Variants in THSD7B observed in about 807,000 individuals in gnomAD.
The protein encoded by THSD7B is thrombospondin type-1 domain-containing protein 7B.
In THSD7B, 138 loss-of-function variants were observed where a neutral mutation model predicts 213.6. The observed-to-expected ratio is 0.65, with a 90% CI of 0.56 to 0.74. THSD7B has a LOEUF of 0.74. Among genes scored for constraint, THSD7B ranks in the 30% least tolerant of loss-of-function variants. The probability of loss-of-function intolerance (pLI) is 0.00; values close to 1 mark genes in which losing one functional copy is unlikely to be tolerated. For synonymous variants in THSD7B, 742 were observed against 687.0 expected, an observed-to-expected ratio of 1.08 and a Z score of -1.25; for missense variants, 1,931 against 1,991.5, an observed-to-expected ratio of 0.97 and a Z score of 0.58.
chr2:137,480,414 A>G (rs1359209211), intron 15 of THSD7B, among the ~76,000 whole-genome samples: 2 of 152,190 alleles, frequency 1.3e-5, no homozygotes, highest in African/African-American at 4.8e-5. Context: ...GTTTTGAAAA[A>G]CTCATTTTGA....
intron 2 of THSD7B, among the ~76,000 whole-genome samples, chr2:137,010,398 A>G (rs1470581078): frequency 6.6e-6 from 1 of 152,240 alleles, no homozygotes; most frequent in African/African-American, 2.4e-5. Context: ...GTTAAGTTCC[A>G]TGACCTGCTA....
At chr2:137,546,360 TATTATATATATATATAA>T (rs1450800599) in intron 15 of THSD7B, among the ~76,000 whole-genome samples, 3 of 58,122 alleles carry the variant, frequency 5.2e-5, no homozygotes, top group Non-Finnish European at 9.3e-5. Flanking sequence ...CATATATATA[TATTATATATATATATAA>T]TATATATATT....
intron 2 of THSD7B, among the ~76,000 whole-genome samples, chr2:137,007,130 TAGTG>T (rs1275482058): frequency 2.0e-5 from 3 of 152,184 alleles, no homozygotes; most frequent in Admixed American, 1.3e-4. Flanking sequence ...ATATGACTAA[TAGTG>T]AGGTTTGAAT....
intron 15 of THSD7B, among the ~76,000 whole-genome samples, chr2:137,453,334 T>TC (rs1687690695): frequency 7.5e-6 from 1 of 133,978 alleles, no homozygotes; most frequent in Admixed American, 7.3e-5. Flanking sequence ...TACTTTTTTT[T>TC]TTTTTTTTTT....
At chr2:136,950,966 TAA>T (rs1015384825) in intron 2 of THSD7B, among the ~76,000 whole-genome samples, 31 of 152,192 alleles carry the variant, frequency 2.0e-4, no homozygotes, top group African/African-American at 7.2e-4. Context: ...GTAATTGTGA[TAA>T]AGACTCCCAC....
At chr2:137,473,267 T>C (rs1395005945) in intron 15 of THSD7B, among the ~76,000 whole-genome samples, 1 of 152,048 alleles carries the variant, frequency 6.6e-6, no homozygotes. Context: ...TTGCCCAGGC[T>C]GGAGTGCGGT....
intron 15 of THSD7B, among the ~76,000 whole-genome samples, chr2:137,479,298 G>T (rs1478425918): frequency 6.6e-6 from 1 of 152,196 alleles, no homozygotes; most frequent in Non-Finnish European, 1.5e-5. Flanking sequence ...AAGCCACCAG[G>T]AGGAGTGCTC....
In THSD7B at chr2:137,239,201, C is replaced by T. The variant is rs375947567; in HGVS notation, c.2151-3256C>T. On this transcript the variant is annotated intron_variant, in intron 9 of 27. Transcript: ENST00000409968. Reference sequence around the variant, plus strand: ...CAAAAGTTGTACAGAGAAATCTATACACCCTTCACTCGGCTTCCCCCAGCT... The same window carrying T: ...CAAAAGTTGTACAGAGAAATCTATATACCCTTCACTCGGCTTCCCCCAGCT... Among the ~76,000 whole-genome samples, 37 of 152,208 alleles carry T rather than the reference C, an allele frequency of 2.4e-4. 1 individual carries two copies. The East Asian group carries it at 5.0e-3, about 21-fold the overall frequency.
At chr2:137,458,947 C>A (rs531993099) in intron 15 of THSD7B, among the ~76,000 whole-genome samples, 50 of 147,218 alleles carry the variant, frequency 3.4e-4, no homozygotes, top group African/African-American at 1.2e-3. Context: ...TCTGATAGGG[C>A]CTCTTTTCAA....
intron 2 of THSD7B, among the ~76,000 whole-genome samples, chr2:136,970,419 T>C (rs1685386700): frequency 1.3e-5 from 2 of 151,858 alleles, no homozygotes; most frequent in African/African-American, 2.4e-5. Flanking sequence ...TGAGCTGAGA[T>C]TGCACCACTG....
chr2:137,577,597 C>T (rs1235389299), intron 17 of THSD7B, among the ~76,000 whole-genome samples: 1 of 152,028 alleles, frequency 6.6e-6, no homozygotes, highest in Non-Finnish European at 1.5e-5. Context: ...GATCATCCTG[C>T]TTCAACAATT....
chr2:137,585,461 C>A (rs1329282029), intron 17 of THSD7B, among the ~76,000 whole-genome samples: 1 of 152,022 alleles, frequency 6.6e-6, no homozygotes. Context: ...TTCCTGCTTT[C>A]TCTTGTGGGC....
At chr2:137,433,160 G>A (rs1452722685) in intron 14 of THSD7B, among the ~76,000 whole-genome samples, 2 of 152,044 alleles carry the variant, frequency 1.3e-5, no homozygotes, top group East Asian at 1.9e-4. Flanking sequence ...GGAGCAGGGC[G>A]CTGTAAGATA....
intron 12 of THSD7B, among the ~76,000 whole-genome samples, chr2:137,342,893 T>C (rs1684794121): frequency 6.6e-6 from 1 of 151,636 alleles, no homozygotes; most frequent in African/African-American, 2.4e-5. Context: ...CAGGTAGTAA[T>C]GGTGGATGGT....
chr2:136,786,039 G>A (rs1226122827), intron 1 of THSD7B, among the ~76,000 whole-genome samples: 1 of 152,084 alleles, frequency 6.6e-6, no homozygotes, highest in Admixed American at 6.6e-5. Flanking sequence ...ACAAACTCAA[G>A]GCTGTAATTC....
At chr2:137,412,011 A>G in intron 14 of THSD7B, 139 bp downstream of exon 14, 1 of 988,212 alleles carries the variant, frequency 1.0e-6, no homozygotes, top group East Asian at 2.6e-5. Flanking sequence ...GTCTCTCATA[A>G]AATATGGACA....
At chr2:137,657,260 TGG>T in intron 24 of THSD7B, 100 bp downstream of exon 24, 1 of 1,099,068 alleles carries the variant, frequency 9.1e-7, no homozygotes. Flanking sequence ...AGGGGTGACT[TGG>T]GCAGGTAGCT....
At chr2:137,266,278 G>A (rs1278445140) in intron 10 of THSD7B, among the ~76,000 whole-genome samples, 1 of 152,180 alleles carries the variant, frequency 6.6e-6, no homozygotes, top group Non-Finnish European at 1.5e-5. Flanking sequence ...TTACAACTTA[G>A]GAAGTTGAAG....
chr2:136,804,116 A>G (rs1406696014), intron 1 of THSD7B, among the ~76,000 whole-genome samples: 1 of 152,190 alleles, frequency 6.6e-6, no homozygotes, highest in Non-Finnish European at 1.5e-5. Context: ...ATACTCCTGT[A>G]CAAAGCTGGA....
Sources: allele counts gnomAD v4.1 joint callset (sites outside exome capture counted in the v4.1 genomes callset), GRCh38; gene constraint gnomAD v4.1.1; transcripts MANE v1.5; gene names NCBI Gene and HGNC (gene_info 2026-07-23, HGNC 2026-07-21).